Variants in SLC7A7 observed in about 807,000 individuals in gnomAD.
SLC7A7 encodes Y+L amino acid transporter 1.
A neutral mutation model predicts 47.9 loss-of-function variants in SLC7A7; 39 were observed. The ratio of observed to expected loss-of-function variants is 0.81; its 90% CI spans 0.63 to 1.06. The LOEUF (loss-of-function observed/expected upper bound fraction) is 1.06. SLC7A7 is among the 50% of genes least tolerant of loss of function. The pLI is 0.00. For missense variants in SLC7A7, 588 were observed against 632.0 expected (o/e 0.93, Z 0.75); for synonymous variants, 234 against 242.8 (o/e 0.96, Z 0.34).
intron 3 of SLC7A7, 150 bp downstream of exon 3, chr14:22,779,776 T>A: frequency 1.3e-6 from 1 of 793,810 alleles, no homozygotes; most frequent in Non-Finnish European, 2.0e-6. Context: ...TTCTGCAGGC[T>A]GTTTCCTCAT....
At chr14:22,781,927 T>G (rs144236954) in intron 2 of SLC7A7, among the ~76,000 whole-genome samples, 3 of 152,192 alleles carry the variant, frequency 2.0e-5, no homozygotes, top group African/African-American at 7.2e-5. Context: ...GGAATAAGCT[T>G]ACAGGACTAG....
At chr14:22,803,201 C>T (rs2039145335) in intron 2 of SLC7A7, among the ~76,000 whole-genome samples, 1 of 152,114 alleles carries the variant, frequency 6.6e-6, no homozygotes, top group African/African-American at 2.4e-5. Context: ...GGGCAGATCG[C>T]CTGAGGTCAG....
upstream of SLC7A7, among the ~76,000 whole-genome samples, chr14:22,818,461 C>G (rs1306078414): frequency 6.6e-6 from 1 of 151,906 alleles, no homozygotes; most frequent in Admixed American, 6.5e-5. Flanking sequence ...TCACATTTCT[C>G]CCTGAGACCC....
At chr14:22,811,705 A>G (rs1341003603) in intron 2 of SLC7A7, among the ~76,000 whole-genome samples, 1 of 152,170 alleles carries the variant, frequency 6.6e-6, no homozygotes, top group African/African-American at 2.4e-5. Context: ...CAAAAAAATT[A>G]GCTAGGCATG....
At position 22,788,704 on chromosome 14, in the gene SLC7A7, GGA is replaced by G. The variant is rs1491129426; in HGVS notation, c.500-8655_500-8654del. On this transcript the variant is annotated intron_variant, in intron 2 of 9. Coordinates refer to ENST00000674313, the MANE Select transcript of SLC7A7 (RefSeq NM_003982.4). ...GGGCGACAGAGTGAGACTCTGTCTGGGAAAAAAAAAAAAAAAAAGTGAACAAT... is the reference window on the plus strand; with the variant it reads ...GGGCGACAGAGTGAGACTCTGTCTGGAAAAAAAAAAAAAAAAGTGAACAAT... 7.9e-5 allele frequency among the ~76,000 whole-genome samples: 11 copies of G among 139,496 alleles called. 1 individual carries two copies. Among genetic ancestry groups the G allele is most frequent in the Middle Eastern group, 3.7e-3 (1 of 272 alleles). 91.5% of individuals were successfully genotyped at this position (139,496 alleles called of 152,430 possible). A position where few individuals can be genotyped will look rare whatever the true frequency, so the allele number is the denominator to read the frequency against.
chr14:22,798,679 A>T (rs2039058620), intron 2 of SLC7A7, among the ~76,000 whole-genome samples: 1 of 152,182 alleles, frequency 6.6e-6, no homozygotes, highest in Non-Finnish European at 1.5e-5. Flanking sequence ...TCATCTGAAG[A>T]GCATGTCTAC....
At chr14:22,779,471 G>GGGT (rs1566443240) in intron 3 of SLC7A7, among the ~76,000 whole-genome samples, 170 of 151,128 alleles carry the variant, frequency 1.1e-3, no homozygotes, top group Middle Eastern at 3.4e-3. Flanking sequence ...TTTTTTGGGG[G>GGGT]GGGGACAGAG....
In SLC7A7 at chr14:22,812,773, C is replaced by CTATATATATA. The variant is rs58930730; in HGVS notation, c.499+117_499+126dup. The CTATATATATA allele has an allele frequency of 8.9e-4, 390 of 439,468 alleles. 10 individuals are homozygous for CTATATATATA. Among genetic ancestry groups the CTATATATATA allele is most frequent in the African/African-American group, 5.6e-3 (221 of 39,368 alleles). 27.2% of individuals were successfully genotyped at this position (439,468 alleles called of 1,614,324 possible). A position where few individuals can be genotyped will look rare whatever the true frequency, so the allele number is the denominator to read the frequency against. On this transcript the variant is annotated intron_variant, in intron 2 of 9. Coordinates refer to ENST00000674313, the MANE Select transcript of SLC7A7 (RefSeq NM_003982.4). ...AATTTTCACACAAAGCATACTTTAA[C>CTATATATATA]TATATATATATATATATATGTTGTC...
intron 4 of SLC7A7, 146 bp from the exon 5 acceptor site, chr14:22,776,464 GC>G (rs1388344163): frequency 9.7e-7 from 1 of 1,031,394 alleles, no homozygotes; most frequent in Non-Finnish European, 1.5e-6. Flanking sequence ...CTTTGACGGT[GC>G]CCTGGATAGT....
At chr14:22,794,629 C>T (rs892943826) in intron 2 of SLC7A7, among the ~76,000 whole-genome samples, 1 of 152,156 alleles carries the variant, frequency 6.6e-6, no homozygotes, top group African/African-American at 2.4e-5. Context: ...GTTTCGCAGG[C>T]TAATCTGAGG....
At chr14:22,781,317 C>T (rs1435228163) in intron 2 of SLC7A7, among the ~76,000 whole-genome samples, 1 of 152,172 alleles carries the variant, frequency 6.6e-6, no homozygotes, top group Non-Finnish European at 1.5e-5. Flanking sequence ...GGCCTCACCA[C>T]ATTCTGGCTA....
rs185065615 is a variant in SLC7A7, at chr14:22,773,460, A to G, written c.*150T>C. 1 of 727,972 alleles carries G rather than the reference A, an allele frequency of 1.4e-6. No homozygotes were observed. The highest frequency in any genetic ancestry group is 2.7e-5 in the East Asian group (1 of 37,262). The allele number at this position is 727,972 out of a possible 1,614,324, so 45.1% of individuals were successfully genotyped here. ...TAGCAAAACAAATAAATTACTTTTC[A>G]TTTCAAAAAGTAAGTTCAAAGGTTG... On this transcript the variant is annotated 3_prime_UTR_variant, in exon 10 of 10. Coordinates refer to ENST00000674313, the MANE Select transcript of SLC7A7 (RefSeq NM_003982.4).
At chr14:22,788,515 C>T (rs757575205) in intron 2 of SLC7A7, among the ~76,000 whole-genome samples, 15 of 151,098 alleles carry the variant, frequency 9.9e-5, no homozygotes, top group South Asian at 6.3e-4. Context: ...TCAGCCTGGC[C>T]AACATGGTGA....
Position 22,794,113 on chromosome 14 carries a change from C to T in SLC7A7, c.500-14062G>A, listed in dbSNP as rs563830654. Among the ~76,000 whole-genome samples, 9 of 152,340 alleles carry T rather than the reference C, an allele frequency of 5.9e-5. No individual in the cohort carries two copies. In the East Asian group the frequency reaches 1.7e-3, roughly 29 times the overall value. Reference sequence around the variant, plus strand: ...CACCAAGTTATCCTTAAAAACTCTGCTCCCAGAATGTTCGGGGAGACTGAT... The same window carrying T: ...CACCAAGTTATCCTTAAAAACTCTGTTCCCAGAATGTTCGGGGAGACTGAT... On this transcript the variant is annotated intron_variant, in intron 2 of 9. Coordinates refer to ENST00000674313, the MANE Select transcript of SLC7A7 (RefSeq NM_003982.4).
At chr14:22,779,713 C>T (rs1267191471) in intron 3 of SLC7A7, among the ~76,000 whole-genome samples, 1 of 152,050 alleles carries the variant, frequency 6.6e-6, no homozygotes, top group East Asian at 1.9e-4. Context: ...GATGGCCTCC[C>T]AAAGTGCTGG....
At position 22,776,415 on chromosome 14, in the gene SLC7A7, G is replaced by A; in HGVS notation, c.771-97C>T. ...TCTCCCTGCCACACCGGTCTTTCCAGGGATGGAGACTGTTGCTACATTTCC... is the reference window on the plus strand; with the variant it reads ...TCTCCCTGCCACACCGGTCTTTCCAAGGATGGAGACTGTTGCTACATTTCC... On this transcript the variant is annotated intron_variant, in intron 4 of 9. Coordinates refer to ENST00000674313, the MANE Select transcript of SLC7A7 (RefSeq NM_003982.4). 2.7e-6 allele frequency: 4 copies of A among 1,501,028 alleles called. No homozygotes were observed. In the South Asian group the frequency reaches 4.5e-5, roughly 17 times the overall value. 93.0% of individuals were successfully genotyped at this position (1,501,028 alleles called of 1,614,324 possible). A position where few individuals can be genotyped will look rare whatever the true frequency, so the allele number is the denominator to read the frequency against.
chr14:22,787,550 G>A (rs552308842), intron 2 of SLC7A7, among the ~76,000 whole-genome samples: 31 of 151,802 alleles, frequency 2.0e-4, no homozygotes, highest in African/African-American at 6.3e-4. Flanking sequence ...CCAGGAGTTC[G>A]AGACCAGCCT....
At chr14:22,774,607 G>C in intron 7 of SLC7A7, 104 bp from the exon 8 acceptor site, 1 of 1,455,914 alleles carries the variant, frequency 6.9e-7, no homozygotes. Flanking sequence ...AATCCTCAAA[G>C]TCTCCTGGTC....
At chr14:22,804,872 G>C (rs1270460720) in intron 2 of SLC7A7, among the ~76,000 whole-genome samples, 1 of 151,992 alleles carries the variant, frequency 6.6e-6, no homozygotes, top group African/African-American at 2.4e-5. Context: ...GGGCATGGGG[G>C]TGTGTACGCC....
Sources: gnomAD v4.1 joint callset for allele counts (sites outside exome capture counted in the v4.1 genomes callset) on GRCh38, gnomAD v4.1.1 for gene constraint, MANE v1.5 for transcripts, NCBI Gene and HGNC (gene_info 2026-07-23, HGNC 2026-07-21) for gene names.